TNKS1BP1: variants seen among roughly 807,000 people sequenced by gnomAD.
TNKS1BP1 encodes the protein 182 kDa tankyrase-1-binding protein.
In TNKS1BP1, 48 loss-of-function variants were observed where a neutral mutation model predicts 141.1. That is an observed-to-expected ratio of 0.34 (90% CI 0.27 to 0.43). TNKS1BP1 has a LOEUF of 0.43. Ranked by LOEUF, TNKS1BP1 falls within the 20% of genes least tolerant of loss-of-function variation. The pLI is 1.00. For missense variants in TNKS1BP1, 2,149 were observed against 2,226.0 expected (o/e 0.97, Z 0.70); for synonymous variants, 875 against 898.2 (o/e 0.97, Z 0.46).
At position 57,310,213 on chromosome 11, in the gene TNKS1BP1, G is replaced by A. The variant is rs920860161; in HGVS notation, c.2498C>T (p.Thr833Ile). Residue 833 changes from threonine to isoleucine, a missense_variant, in exon 6 of 12, where the codon ACT becomes ATT. Coordinates refer to ENST00000358252, the MANE Select transcript of TNKS1BP1 (RefSeq NM_033396.3). ...RVVGKPAQLG[T>I]QRSQEADVQD... ...AACATCTGCCTCCTGGCTCCGCTGA[G>A]TGCCAAGCTGGGCTGGCTTTCCAAC... The A allele has an allele frequency of 1.8e-5, 29 of 1,614,068 alleles. No homozygotes were observed. The highest frequency in any genetic ancestry group is 2.2e-5 in the Non-Finnish European group (26 of 1,180,038).
At chr11:57,314,206 C>A (rs961604371) in intron 4 of TNKS1BP1, among the ~76,000 whole-genome samples, 2 of 152,328 alleles carry the variant, frequency 1.3e-5, no homozygotes, top group African/African-American at 2.4e-5. Context: ...TCCTCAGAGG[C>A]CACAGTTCGG....
chr11:57,316,751 CCT>C (rs1204507081), intron 4 of TNKS1BP1, among the ~76,000 whole-genome samples: 2 of 152,190 alleles, frequency 1.3e-5, no homozygotes, highest in Non-Finnish European at 2.9e-5. Context: ...CCAACAGCCC[CCT>C]GACTGGTCCA....
rs1855550946 is a variant in TNKS1BP1, at chr11:57,302,927, T to C, written c.4317-102A>G. 2 of 1,347,134 alleles carry C rather than the reference T, an allele frequency of 1.5e-6. No homozygotes were observed. The highest frequency in any genetic ancestry group is 1.9e-6 in the Non-Finnish European group (2 of 1,026,508). 83.4% of individuals were successfully genotyped at this position (1,347,134 alleles called of 1,614,324 possible). ...CTTCCCCCAGCCCCCAAACTCTCCC[T>C]TGCCCTCCTTCCCATGCTTTTTCCA... On this transcript the variant is annotated intron_variant, in intron 6 of 11. Coordinates refer to ENST00000358252, the MANE Select transcript of TNKS1BP1 (RefSeq NM_033396.3). The surrounding 1 kb of genome is among the most constrained non-coding windows in gnomAD (Gnocchi z 5.5).
chr11:57,302,747 G>C lies in TNKS1BP1; in HGVS notation c.4395C>G (p.Ser1465=), dbSNP rs1248783536. 1 of 1,580,322 alleles carries C rather than the reference G, an allele frequency of 6.3e-7. No individual in the cohort carries two copies. Among genetic ancestry groups the C allele is most frequent in the Non-Finnish European group, 8.6e-7 (1 of 1,167,692 alleles). The change falls in exon 7 of 12, where the codon TCC becomes TCG. Residue 1465 remains serine, a synonymous_variant. Transcript: ENST00000358252. The surrounding 1 kb of genome is among the most constrained non-coding windows in gnomAD (Gnocchi z 5.5). The part of the protein sequence containing the change: ...LLEEMLAASS[S]KAVARRESAA... Reference sequence around the variant, plus strand: ...CTGACTCCCTCCGAGCCACCGCCTTGGAGCTGCTGGCTGCCAGCATCTCCT... The same window carrying C: ...CTGACTCCCTCCGAGCCACCGCCTTCGAGCTGCTGGCTGCCAGCATCTCCT...
chr11:57,310,333 C>T lies in TNKS1BP1; in HGVS notation c.2378G>A (p.Arg793Lys), dbSNP rs140356632. Residue 793 changes from arginine to lysine, a missense_variant, in exon 6 of 12, where the codon AGG (arginine) becomes AAG (lysine). Physicochemically the swap from Arg to Lys is conservative, Grantham distance 26. Transcript: ENST00000358252. Reference protein sequence around the residue: ...GEGSTREWASRCGIGQEEMEA... With the variant: ...GEGSTREWASKCGIGQEEMEA... ...CATCTCCTCCTGGCCGATGCCACAC[C>T]TGCTGGCCCACTCCCTGGTGCTCCC... The T allele has an allele frequency of 6.8e-6, 11 of 1,613,966 alleles. No individual in the cohort carries two copies. In the African/African-American group the frequency reaches 1.5e-4, roughly 22 times the overall value.
chr11:57,320,859 GA>G, intron 2 of TNKS1BP1, 147 bp from the exon 3 acceptor site: 1 of 986,526 alleles, frequency 1.0e-6, no homozygotes, highest in African/African-American at 1.6e-5. Flanking sequence ...CCTCTTCCAT[GA>G]AGCCTTCCTT....
At chr11:57,321,753 C>CA in intron 2 of TNKS1BP1, 39 bp downstream of exon 2, 1 of 1,512,334 alleles carries the variant, frequency 6.6e-7, no homozygotes, top group East Asian at 2.3e-5. Flanking sequence ...TTCCCACCCC[C>CA]CTCCCAGCCA....
chr11:57,322,376 G>A (rs1855902298), intron 1 of TNKS1BP1: 5 of 956,264 alleles, frequency 5.2e-6, no homozygotes, highest in Non-Finnish European at 3.7e-6. Flanking sequence ...CCCAACCTGG[G>A]CTCCGCCCCA....
At position 57,322,073 on chromosome 11, in the gene TNKS1BP1, G is replaced by T. The variant is rs1033796985; in HGVS notation, c.-65-123C>A. 100 of 45,304 alleles carry T rather than the reference G, an allele frequency of 2.2e-3. 1 individual carries two copies. Among genetic ancestry groups the T allele is most frequent in the Admixed American group, 0.013 (5 of 386 alleles). 2.8% of individuals were successfully genotyped at this position (45,304 alleles called of 1,614,324 possible). On this transcript the variant is annotated intron_variant, in intron 1 of 11. Coordinates refer to ENST00000358252, the MANE Select transcript of TNKS1BP1 (RefSeq NM_033396.3). ...GGACAGGAAGAGAGAACTTGGAGTG[G>T]GGGGGGGGGGGTAGGAGGAGGTCAA...
rs1328158604 is a variant in TNKS1BP1, at chr11:57,309,024, A to G, written c.3687T>C (p.Ser1229=). The G allele has an allele frequency of 1.9e-6, 3 of 1,613,922 alleles. No individual in the cohort carries two copies. Among genetic ancestry groups the G allele is most frequent in the African/African-American group, 1.3e-5 (1 of 74,874 alleles). The change falls in exon 6 of 12, where the codon TCT becomes TCC. Residue 1229 remains serine (S), a synonymous_variant. Coordinates refer to ENST00000358252, the MANE Select transcript of TNKS1BP1 (RefSeq NM_033396.3). This position sits in a 1 kb window ranked among gnomAD's most constrained non-coding sequence, Gnocchi z 4.3. ...GIGVGEKDWT[S]DVNVKSKDLA... ...AATCTTTGCTCTTCACATTAACATC[A>G]GAAGTCCAGTCCTTCTCCCCAACTC...
chr11:57,322,013 G>C (rs867045397), intron 1 of TNKS1BP1, 63 bp from the exon 2 acceptor site: 2 of 1,302,986 alleles, frequency 1.5e-6, no homozygotes, highest in Non-Finnish European at 2.0e-6. Flanking sequence ...GTTTAGCAGA[G>C]AGAAGTCTCC....
At chr11:57,312,095 C>T (rs1401090548) in intron 5 of TNKS1BP1, among the ~76,000 whole-genome samples, 1 of 152,134 alleles carries the variant, frequency 6.6e-6, no homozygotes, top group Non-Finnish European at 1.5e-5. Context: ...AAAGCAGAGC[C>T]AGGAGATGAA....
Position 57,313,001 on chromosome 11 carries a change from G to A in TNKS1BP1, c.1687C>T (p.Gln563Ter). 2 of 1,613,954 alleles carry A rather than the reference G, an allele frequency of 1.2e-6. No individual in the cohort carries two copies. Among genetic ancestry groups the A allele is most frequent in the Non-Finnish European group, 1.7e-6 (2 of 1,180,032 alleles). The change falls in exon 5 of 12, where the codon CAA becomes TAA. Residue 563 changes from glutamine to a stop codon, truncating the protein, a stop_gained. Transcript: ENST00000358252. LOFTEE classifies it high-confidence loss of function. ...GGCTCAAGGGGAACAGCTGGGAATT[G>A]AGGTTGACTCTCCCCATCGCCCTTC... ...TQKGDGESQPQFPAVPLEPLP... is the reference protein window; with the variant it reads ...TQKGDGESQP
Position 57,320,138 on chromosome 11 carries a change from C to T in TNKS1BP1, c.669G>A (p.Glu223=), listed in dbSNP as rs1202992429. The change falls in exon 3 of 12, where the codon GAG becomes GAA. Residue 223 remains glutamate (E), a synonymous_variant. Coordinates refer to ENST00000358252, the MANE Select transcript of TNKS1BP1 (RefSeq NM_033396.3). ...GSTLFRGWSQ[E]GPVKSPAECR... The stretch of plus-strand genomic sequence containing the variant: ...ACTCTGCTGGAGACTTTACTGGCCC[C>T]TCCTGGGACCATCCCCTGAAGAGGG... The T allele has an allele frequency of 1.9e-6, 3 of 1,614,082 alleles. No individual in the cohort carries two copies. The highest frequency in any genetic ancestry group is 4.5e-5 in the East Asian group (2 of 44,892).
At position 57,309,880 on chromosome 11, in the gene TNKS1BP1, G is replaced by A. The variant is rs749519959; in HGVS notation, c.2831C>T (p.Ala944Val). Residue 944 changes from alanine (A) to valine (V), a missense_variant, in exon 6 of 12, where the codon GCT (alanine) becomes GTT (valine). Transcript: ENST00000358252. This position sits in a 1 kb window ranked among gnomAD's most constrained non-coding sequence, Gnocchi z 4.3. ...DVSLGTYGSR[A>V]AEPQEQEFGK... The stretch of plus-strand genomic sequence containing the variant: ...AAACTCCTGTTCCTGTGGCTCCGCA[G>A]CCCGGCTGCCATAGGTGCCGAGTGA... 6.2e-7 allele frequency: 1 copy of A among 1,613,848 alleles called. No individual in the cohort carries two copies. Among genetic ancestry groups the A allele is most frequent in the Non-Finnish European group, 8.5e-7 (1 of 1,180,016 alleles).
Position 57,313,662 on chromosome 11 carries a change from G to C in TNKS1BP1, c.1026C>G (p.Ala342=). 1 of 1,563,006 alleles carries C rather than the reference G, an allele frequency of 6.4e-7. No individual in the cohort carries two copies. Among genetic ancestry groups the C allele is most frequent in the African/African-American group, 1.4e-5 (1 of 74,024 alleles). Residue 342 remains alanine (A), a synonymous_variant, in exon 5 of 12, where the codon GCC becomes GCG. Transcript: ENST00000358252. ...PAVTPSAPSA[A]LPDEGSRHTP... is the part of the protein sequence containing the mutation. Reference sequence around the variant, plus strand: ...TGTGGCGGGAGCCCTCGTCAGGCAGGGCTGCACTTGGAGCTGATGGAGTCA... The same window carrying C: ...TGTGGCGGGAGCCCTCGTCAGGCAGCGCTGCACTTGGAGCTGATGGAGTCA...
At chr11:57,300,503 T>C (rs1315407543) in intron 11 of TNKS1BP1, 25 bp downstream of exon 11, 3 of 1,613,106 alleles carry the variant, frequency 1.9e-6, no homozygotes, top group Non-Finnish European at 2.5e-6. Context: ...TCAGACTGGA[T>C]CCAAGCCCAG....
At chr11:57,320,872 A>G (rs1371480591) in intron 2 of TNKS1BP1, among the ~76,000 whole-genome samples, 160 bp from the exon 3 acceptor site, 1 of 152,062 alleles carries the variant, frequency 6.6e-6, no homozygotes, top group African/African-American at 2.4e-5. Flanking sequence ...GCCTTCCTTG[A>G]TTTTCTACAC....
rs956774388 is a variant in TNKS1BP1 at position 57,320,682 on chromosome 11, G to T, written c.125C>A (p.Pro42His). ...GDTRAKPPVKPKPRALPAKPA... is the reference protein window; with the variant it reads ...GDTRAKPPVKHKPRALPAKPA... ...CTTGGCAGGCAGGGCCCGGGGTTTG[G>T]GCTTGACAGGGGGTTTGGCCCGAGT... The change falls in exon 3 of 12, where the codon CCC becomes CAC. Residue 42 changes from proline (P) to histidine (H), a missense_variant. Transcript: ENST00000358252. The T allele has an allele frequency of 1.2e-6, 2 of 1,605,186 alleles. No individual in the cohort carries two copies. The highest frequency in any genetic ancestry group is 1.7e-6 in the Non-Finnish European group (2 of 1,176,138).
Sources: gnomAD v4.1 joint callset for allele counts (sites outside exome capture counted in the v4.1 genomes callset) on GRCh38, gnomAD v4.1.1 for gene constraint, Gnocchi (gnomAD v3.1) non-coding constraint, MANE v1.5 for transcripts, NCBI Gene and HGNC (gene_info 2026-07-23, HGNC 2026-07-21) for gene names.